The following NR1H3 variants were observed in gnomAD, a reference collection of about 807,000 sequenced individuals.
The protein encoded by NR1H3 is oxysterols receptor LXR-alpha.
A neutral mutation model predicts 48.1 loss-of-function variants in NR1H3; 19 were observed. The ratio of observed to expected loss-of-function variants is 0.40; its 90% CI spans 0.28 to 0.58. The LOEUF is 0.58. Among genes scored for constraint, NR1H3 ranks in the 20% least tolerant of loss-of-function variants. NR1H3 has a pLI of 0.50. For synonymous variants in NR1H3, 232 were observed against 227.3 expected (o/e 1.02, Z -0.19); for missense variants, 486 against 595.9 (o/e 0.82, Z 1.92).
chr11:47,248,774 A>G (rs756520117), upstream of NR1H3: 2 of 1,597,720 alleles, frequency 1.3e-6, no homozygotes, highest in South Asian at 1.1e-5. Flanking sequence ...CTCCAGCCGG[A>G]CCGCTTGCCC....
intron 8 of NR1H3, 80 bp from the exon 9 acceptor site, chr11:47,268,181 C>T (rs1439742434): frequency 1.5e-6 from 2 of 1,352,416 alleles, no homozygotes; most frequent in Non-Finnish European, 1.0e-6. Flanking sequence ...TGGAGCATGT[C>T]TCTATATTTT....
chr11:47,261,780 G>A lies in NR1H3; in HGVS notation c.888+54G>A, dbSNP rs775280328. On this transcript the variant is annotated intron_variant, in intron 6 of 9. Transcript: ENST00000441012. ...GAGAAGCAGAGTGGGATTATCTGTG[G>A]GAGGGGCCTCCAGACATCGAGCTGG... The A allele has an allele frequency of 2.5e-6, 4 of 1,612,326 alleles. No individual in the cohort carries two copies. The African/African-American group carries it at 5.3e-5, about 22-fold the overall frequency.
At chr11:47,259,571 G>T in intron 2 of NR1H3, 1 of 1,461,912 alleles carries the variant, frequency 6.8e-7, no homozygotes. Flanking sequence ...CCCCCAAAGG[G>T]ACAAGGATTA....
upstream of NR1H3, among the ~76,000 whole-genome samples, chr11:47,257,383 C>T (rs1007998848): frequency 6.6e-6 from 1 of 152,210 alleles, no homozygotes; most frequent in Non-Finnish European, 1.5e-5. Context: ...TAGCAGATTT[C>T]CTATCAAAGG....
At position 47,260,575 on chromosome 11, in the gene NR1H3, C is replaced by T; in HGVS notation, c.399C>T (p.Ile133=). The change falls in exon 4 of 10, where the codon ATC becomes ATT. Residue 133 remains isoleucine (I), a synonymous_variant. Coordinates refer to ENST00000441012, the MANE Select transcript of NR1H3 (RefSeq NM_005693.4). ...GCGTCATCAAGGGAGCGCACTACAT[C>T]TGCCACAGTGGCGGCCACTGCCCCA... ...RRSVIKGAHY[I]CHSGGHCPMD... is the part of the protein sequence containing the mutation. 1 of 1,614,222 alleles carries T rather than the reference C, an allele frequency of 6.2e-7. No individual in the cohort carries two copies.
At chr11:47,260,759 C>T (rs1030802497) in intron 4 of NR1H3, 84 bp downstream of exon 4, 3 of 1,456,606 alleles carry the variant, frequency 2.1e-6, no homozygotes, top group African/African-American at 1.4e-5. Context: ...CCTGAACTTG[C>T]AGGGGCTAAC....
intron 1 of NR1H3, among the ~76,000 whole-genome samples, chr11:47,250,848 A>G (rs1158716786): frequency 6.6e-6 from 1 of 152,254 alleles, no homozygotes; most frequent in African/African-American, 2.4e-5. Context: ...GGGCATGGGC[A>G]CAGTTTGAGA....
rs1486959365 is a variant in NR1H3 at position 47,259,800 on chromosome 11, T to A, written c.53T>A (p.Val18Glu). 3 of 1,611,826 alleles carry A rather than the reference T, an allele frequency of 1.9e-6. No homozygotes were observed. Among genetic ancestry groups the A allele is most frequent in the Admixed American group, 1.7e-5 (1 of 59,976 alleles). ...PVPDIPPDSA[V>E]ELWKPGAQDA... The stretch of plus-strand genomic sequence containing the variant: ...CTCTTTTGGAGCTCAGACTCTGCGG[T>A]GGAGCTGTGGAAGCCAGGCGCACAG... Residue 18 changes from valine (V) to glutamate (E), a missense_variant, in exon 3 of 10, where the codon GTG (valine) becomes GAG (glutamate). Transcript: ENST00000441012.
At chr11:47,261,089 A>AAG (rs1169434704) in intron 4 of NR1H3, 152 bp from the exon 5 acceptor site, 1 of 641,036 alleles carries the variant, frequency 1.6e-6, no homozygotes, top group Non-Finnish European at 2.7e-6. Flanking sequence ...TTTCAAAAAA[A>AAG]AAAAATCTTC....
intron 1 of NR1H3, among the ~76,000 whole-genome samples, chr11:47,251,596 A>G (rs1954660901): frequency 6.6e-6 from 1 of 152,024 alleles, no homozygotes; most frequent in African/African-American, 2.4e-5. Context: ...TGGGCAACAG[A>G]GCGAGACTCT....
upstream of NR1H3, chr11:47,248,355 G>C (rs1388595598): frequency 3.8e-6 from 5 of 1,302,714 alleles, no homozygotes; most frequent in Admixed American, 4.2e-5. Context: ...CCAAGGTACA[G>C]GTAGGAAGGG....
At chr11:47,260,905 T>G (rs1245265056) in intron 4 of NR1H3, among the ~76,000 whole-genome samples, 1 of 151,944 alleles carries the variant, frequency 6.6e-6, no homozygotes, top group East Asian at 1.9e-4. Flanking sequence ...GCCAACATAG[T>G]GAAACCCCGA....
chr11:47,253,206 C>T (rs545826184), upstream of NR1H3, among the ~76,000 whole-genome samples: 5 of 149,574 alleles, frequency 3.3e-5, no homozygotes, highest in African/African-American at 7.4e-5. Flanking sequence ...TGGACTCAAG[C>T]GATCTGCCCT....
chr11:47,268,113 T>A, intron 8 of NR1H3, 87 bp downstream of exon 8: 1 of 869,350 alleles, frequency 1.2e-6, no homozygotes, highest in Non-Finnish European at 1.8e-6. Flanking sequence ...GGGAGGGGGG[T>A]GGTGGCTTGG....
intron 9 of NR1H3, 66 bp downstream of exon 9, chr11:47,268,421 C>A: frequency 1.3e-6 from 2 of 1,589,650 alleles, no homozygotes; most frequent in Non-Finnish European, 8.6e-7. Flanking sequence ...GACATACCTA[C>A]TTTCCCTTCA....
rs199680544 is a variant in NR1H3, at chr11:47,260,524, G to T, written c.348G>T (p.Glu116Asp). ...SGFHYNVLSCEGCKGFFRRSV... is the reference protein window; with the variant it reads ...SGFHYNVLSCDGCKGFFRRSV... The stretch of plus-strand genomic sequence containing the variant: ...TCCACTACAATGTTCTGAGCTGCGA[G>T]GGCTGCAAGGGATTCTTCCGCCGCA... Residue 116 changes from glutamate to aspartate, a missense_variant, in exon 4 of 10, where the codon GAG becomes GAT. Coordinates refer to ENST00000441012, the MANE Select transcript of NR1H3 (RefSeq NM_005693.4). 6.2e-7 allele frequency: 1 copy of T among 1,614,286 alleles called. No homozygotes were observed. The highest frequency in any genetic ancestry group is 8.5e-7 in the Non-Finnish European group (1 of 1,180,050).
At position 47,259,892 on chromosome 11, in the gene NR1H3, T is replaced by G. The variant is rs1310887466; in HGVS notation, c.145T>G (p.Ser49Ala). Residue 49 changes from serine to alanine, a missense_variant, in exon 3 of 10, where the codon TCT (serine) becomes GCT (alanine). Physicochemically the swap from Ser to Ala is moderately conservative, Grantham distance 99. Transcript: ENST00000441012. ...ILREEARMPH[S>A]AGGTAGVGLE... is the part of the protein sequence containing the mutation. ...CAGAGAGGAAGCCAGGATGCCCCAC[T>G]CTGCTGGGGGTACTGCAGGGGTGGG... 1 of 1,612,890 alleles carries G rather than the reference T, an allele frequency of 6.2e-7. No individual in the cohort carries two copies. The highest frequency in any genetic ancestry group is 8.5e-7 in the Non-Finnish European group (1 of 1,179,728).
upstream of NR1H3, chr11:47,257,679 A>T (rs1415116905): frequency 1.0e-6 from 1 of 985,160 alleles, no homozygotes; most frequent in Non-Finnish European, 1.2e-6. Context: ...GGCTGCTGGG[A>T]TTGGGGTGGG....
chr11:47,261,873 G>A, intron 6 of NR1H3, 46 bp from the exon 7 acceptor site: 1 of 1,601,082 alleles, frequency 6.2e-7, no homozygotes, highest in Non-Finnish European at 8.6e-7. Context: ...CATGCTCCAA[G>A]ACCAGCCCTC....
Sources: allele counts gnomAD v4.1 joint callset (sites outside exome capture counted in the v4.1 genomes callset), GRCh38; gene constraint gnomAD v4.1.1; transcripts MANE v1.5; gene names NCBI Gene and HGNC (gene_info 2026-07-23, HGNC 2026-07-21).